The following CD38 variants were observed in gnomAD, a reference collection of about 807,000 sequenced individuals.
The protein encoded by CD38 is CD38 molecule, also known as ADP-ribosyl cyclase/cyclic ADP-ribose hydrolase 1.
A neutral mutation model predicts 36.3 loss-of-function variants in CD38; 31 were observed. The observed-to-expected ratio is 0.85, with a 90% CI of 0.64 to 1.15. The LOEUF (loss-of-function observed/expected upper bound fraction) is 1.15. CD38 is among the 50% of genes most tolerant of loss of function. The pLI is 0.00. For missense variants in CD38, 380 were observed against 371.9 expected (o/e 1.02, Z -0.18); for synonymous variants, 131 against 135.2 (o/e 0.97, Z 0.22).
At chr4:15,826,438 T>G (rs995805393) in intron 3 of CD38, among the ~76,000 whole-genome samples, 1 of 149,432 alleles carries the variant, frequency 6.7e-6, no homozygotes, top group African/African-American at 2.5e-5. Flanking sequence ...TATGTCATTA[T>G]TGTAAGAAAC....
At chr4:15,802,340 T>C (rs1449830170) in intron 1 of CD38, among the ~76,000 whole-genome samples, 1 of 152,018 alleles carries the variant, frequency 6.6e-6, no homozygotes, top group Non-Finnish European at 1.5e-5. Context: ...GAAAAATTAA[T>C]ATTGTTAAGA....
At chr4:15,805,758 TTG>T (rs915339979) in intron 1 of CD38, among the ~76,000 whole-genome samples, 1 of 152,240 alleles carries the variant, frequency 6.6e-6, no homozygotes, top group South Asian at 2.1e-4. Context: ...ATAATCCTAA[TTG>T]TCTCAGTGAC....
chr4:15,813,324 G>C (rs1723514022), intron 1 of CD38, among the ~76,000 whole-genome samples: 1 of 152,108 alleles, frequency 6.6e-6, no homozygotes, highest in African/African-American at 2.4e-5. Flanking sequence ...TTCATCACAA[G>C]AGTGTTGGAT....
At chr4:15,790,708 C>T (rs998456988) in intron 1 of CD38, among the ~76,000 whole-genome samples, 4 of 150,792 alleles carry the variant, frequency 2.7e-5, no homozygotes, top group East Asian at 2.0e-4. Flanking sequence ...TCTGCCCGGC[C>T]GCCATCCCAT....
rs1349729425 is a variant in CD38 at position 15,851,733 on chromosome 4, A to C, written c.*3131A>C. The C allele has an allele frequency of 2.0e-5, 3 of 152,220 alleles. No individual in the cohort carries two copies. Among genetic ancestry groups the C allele is most frequent in the Non-Finnish European group, 4.4e-5 (3 of 68,042 alleles). 9.4% of individuals were successfully genotyped at this position (152,220 alleles called of 1,614,324 possible). On this transcript the variant is annotated 3_prime_UTR_variant, in exon 8 of 8. Transcript: ENST00000226279. Reference sequence around the variant, plus strand: ...ACGCACACAAGCCTGCATACATCATATGCCAACAGTGGGGATATGTTCTGA... The same window carrying C: ...ACGCACACAAGCCTGCATACATCATCTGCCAACAGTGGGGATATGTTCTGA...
intron 3 of CD38, chr4:15,825,628 CTTCAGAG>C (rs1031406856): frequency 6.6e-6 from 1 of 152,328 alleles, no homozygotes; most frequent in African/African-American, 2.4e-5. Context: ...GAAAAATTGA[CTTCAGAG>C]TTGGGGATTG....
intron 1 of CD38, among the ~76,000 whole-genome samples, chr4:15,780,457 T>C (rs1722665594): frequency 6.6e-6 from 1 of 152,094 alleles, no homozygotes; most frequent in Non-Finnish European, 1.5e-5. Context: ...ATACTTTCTA[T>C]TGAGCTGCTT....
rs116684597 is a variant in CD38, at chr4:15,822,545, A to G, written c.364-2336A>G. On this transcript the variant is annotated intron_variant, in intron 2 of 7. Transcript: ENST00000226279. ...AAATCACAAGCATTCCTGTACACCA[A>G]CAACACGCAAGCAGAGAGCCAAATC... Among the ~76,000 whole-genome samples the G allele has an allele frequency of 7.3e-3, 1,108 of 152,288 alleles. 12 individuals are homozygous for G. The highest frequency in any genetic ancestry group is 0.025 in the African/African-American group (1,058 of 41,548).
At position 15,816,622 on chromosome 4, in the gene CD38, G is replaced by C; in HGVS notation, c.345G>C (p.Gln115His). ...AGCCACTAATGAAGTTGGGAACTCA[G>C]ACCGTACCTTGCAACAAGGTAATTG... Reference protein sequence around the residue: ...DYQPLMKLGTQTVPCNKILLW... With the variant: ...DYQPLMKLGTHTVPCNKILLW... The change falls in exon 2 of 8, where the codon CAG becomes CAC. Residue 115 changes from glutamine (Q) to histidine (H), a missense_variant. Gln to His is a conservative substitution (Grantham distance 24). Coordinates refer to ENST00000226279, the MANE Select transcript of CD38 (RefSeq NM_001775.4). 1 of 1,613,910 alleles carries C rather than the reference G, an allele frequency of 6.2e-7. No individual in the cohort carries two copies.
intron 7 of CD38, 105 bp from the exon 8 acceptor site, chr4:15,848,434 C>G (rs1212399738): frequency 1.4e-6 from 1 of 734,234 alleles, no homozygotes; most frequent in South Asian, 1.6e-5. Context: ...GCTAAGTGGT[C>G]TGTGCACCTT....
At chr4:15,784,500 T>C (rs1475452682) in intron 1 of CD38, among the ~76,000 whole-genome samples, 2 of 152,156 alleles carry the variant, frequency 1.3e-5, no homozygotes, top group African/African-American at 2.4e-5. Context: ...TGAGAGGGTC[T>C]GGACTTCCTC....
chr4:15,829,627 A>C (rs933630175), intron 3 of CD38, among the ~76,000 whole-genome samples: 2 of 152,186 alleles, frequency 1.3e-5, no homozygotes, highest in Non-Finnish European at 2.9e-5. Context: ...GCTTTTTTTA[A>C]AATGTACAAC....
intron 1 of CD38, among the ~76,000 whole-genome samples, chr4:15,784,453 C>CCAAA (rs1722768243): frequency 1.3e-5 from 2 of 152,142 alleles, no homozygotes; most frequent in Non-Finnish European, 2.9e-5. Context: ...TGACTAAACC[C>CCAAA]TTAAAGGTTT....
At chr4:15,840,158 A>C (rs1437556439) in intron 6 of CD38, 40 bp downstream of exon 6, 1 of 1,396,876 alleles carries the variant, frequency 7.2e-7, no homozygotes, top group Non-Finnish European at 1.0e-6. Context: ...TATTTTATGA[A>C]TCAGTCCACA....
chr4:15,810,374 T>G (rs1319832516), intron 1 of CD38, among the ~76,000 whole-genome samples: 1 of 152,210 alleles, frequency 6.6e-6, no homozygotes, highest in Non-Finnish European at 1.5e-5. Context: ...CCAGATCTTT[T>G]GTAGTGGAAA....
At position 15,840,145 on chromosome 4, in the gene CD38, T is replaced by G. The variant is rs369017095; in HGVS notation, c.752+27T>G. On this transcript the variant is annotated intron_variant, in intron 6 of 7. Transcript: ENST00000226279. ...TATATCTTACTACTTTGTACCCAAG[T>G]GTTATTTTATGAATCAGTCCACAAA... 2.6e-5 allele frequency: 38 copies of G among 1,463,154 alleles called. No individual in the cohort carries two copies. In the African/African-American group the frequency reaches 5.0e-4, roughly 19 times the overall value. 90.6% of individuals were successfully genotyped at this position (1,463,154 alleles called of 1,614,324 possible).
chr4:15,839,487 G>A (rs752328682), intron 5 of CD38, among the ~76,000 whole-genome samples: 106 of 140,672 alleles, frequency 7.5e-4, no homozygotes, highest in Non-Finnish European at 1.4e-3. Context: ...GCAGTGACAC[G>A]GTCTCCGCTC....
At chr4:15,837,277 G>C (rs759011334) in intron 4 of CD38, among the ~76,000 whole-genome samples, 1 of 152,168 alleles carries the variant, frequency 6.6e-6, no homozygotes, top group Non-Finnish European at 1.5e-5. Flanking sequence ...AATCACTCAT[G>C]GATGTATGTG....
In CD38 at chr4:15,778,505, C is replaced by T. The variant is rs535465598; in HGVS notation, c.91C>T (p.Leu31=). 2 of 1,613,890 alleles carry T rather than the reference C, an allele frequency of 1.2e-6. No homozygotes were observed. The highest frequency in any genetic ancestry group is 1.7e-6 in the Non-Finnish European group (2 of 1,180,000). Residue 31 remains leucine (L), a synonymous_variant, in exon 1 of 8, where the codon CTG becomes TTG. Transcript: ENST00000226279. This position sits in a 1 kb window ranked among gnomAD's most constrained non-coding sequence, Gnocchi z 4.9. ...RAQLCLGVSI[L]VLILVVVLAV... ...CCAACTCTGTCTTGGCGTCAGTATCCTGGTCCTGATCCTCGTCGTGGTGCT... is the reference window on the plus strand; with the variant it reads ...CCAACTCTGTCTTGGCGTCAGTATCTTGGTCCTGATCCTCGTCGTGGTGCT...
Sources: allele counts gnomAD v4.1 joint callset (sites outside exome capture counted in the v4.1 genomes callset), GRCh38; gene constraint gnomAD v4.1.1; non-coding constraint Gnocchi (gnomAD v3.1); transcripts MANE v1.5; gene names NCBI Gene and HGNC (gene_info 2026-07-23, HGNC 2026-07-21).